Variants in SH2B3 observed in about 807,000 individuals in gnomAD.
The protein encoded by SH2B3 is SH2B adaptor protein 3.
SH2B3 carries 43 observed loss-of-function variants against 51.9 expected under a neutral mutation model. That is an observed-to-expected ratio of 0.83 (90% confidence interval 0.65 to 1.07). SH2B3 has a LOEUF of 1.07. Ranked by LOEUF, SH2B3 falls within the 50% of genes least tolerant of loss-of-function variation. The pLI is 0.00. For synonymous variants in SH2B3, 396 were observed against 376.0 expected (o/e 1.05, Z -0.62); for missense variants, 952 against 834.3 (o/e 1.14, Z -1.74).
At chr12:111,428,122 T>G (rs1872155746) in intron 2 of SH2B3, among the ~76,000 whole-genome samples, 1 of 152,252 alleles carries the variant, frequency 6.6e-6, no homozygotes, top group Admixed American at 6.5e-5. Context: ...GAAAAGCTCC[T>G]GTGGCCATTT....
Position 111,409,916 on chromosome 12 carries a change from A to C in SH2B3, c.-28+3639A>C, listed in dbSNP as rs1870556836. Among the ~76,000 whole-genome samples, 1 of 152,192 alleles carries C rather than the reference A, an allele frequency of 6.6e-6. No individual in the cohort carries two copies. The highest frequency in any genetic ancestry group is 6.5e-5 in the Admixed American group (1 of 15,278). ...CCCCCCACTCCCCGCCCCAGCCGGAAACCCGGCAGCTGAGCAGTTAGATAG... is the reference window on the plus strand; with the variant it reads ...CCCCCCACTCCCCGCCCCAGCCGGACACCCGGCAGCTGAGCAGTTAGATAG... On this transcript the variant is annotated intron_variant, in intron 1 of 7. Coordinates refer to ENST00000341259, the MANE Select transcript of SH2B3 (RefSeq NM_005475.3). The surrounding 1 kb of genome is among the most constrained non-coding windows in gnomAD (Gnocchi z 4.0).
Position 111,447,363 on chromosome 12 carries a change from G to C in SH2B3, c.1055G>C (p.Cys352Ser). The change falls in exon 6 of 8, where the codon TGC becomes TCC. Residue 352 changes from cysteine to serine, a missense_variant. By Grantham distance (112) the Cys-to-Ser change is moderately radical. Transcript: ENST00000341259. The stretch of plus-strand genomic sequence containing the variant: ...CCTGGGGGGCTGCTGGACCCGGCCT[G>C]CCAGAAGACGGACCATTTCCTGTCC... ...ASPGGLLDPA[C>S]QKTDHFLSCY... 1 of 1,614,020 alleles carries C rather than the reference G, an allele frequency of 6.2e-7. No homozygotes were observed. Among genetic ancestry groups the C allele is most frequent in the South Asian group, 1.1e-5 (1 of 91,070 alleles).
Position 111,438,371 on chromosome 12 carries a change from ACCTGAGCCTG to A in SH2B3, c.733-8378_733-8369del, listed in dbSNP as rs1456517488. 6.6e-6 allele frequency among the ~76,000 whole-genome samples: 1 copy of A among 151,944 alleles called. No individual in the cohort carries two copies. The highest frequency in any genetic ancestry group is 1.5e-5 in the Non-Finnish European group (1 of 67,948). ...TGCGGGGAGGTCAGGGGGCTGACAC[ACCTGAGCCTG>A]CCTTTCAGCCTGCCCTCTTCCCTGG... On this transcript the variant is annotated intron_variant, in intron 2 of 7. Transcript: ENST00000341259. This position sits in a 1 kb window ranked among gnomAD's most constrained non-coding sequence, Gnocchi z 4.2.
Position 111,418,568 on chromosome 12 carries a change from C to G in SH2B3, c.423C>G (p.Ser141Arg). ...GCTCCTTCCAGCACTTTCGCCGCAG[C>G]CTCCGCCACATCTTCCGCCGCCGCT... Reference protein sequence around the residue: ...GPCSFQHFRRSLRHIFRRRSA... With the variant: ...GPCSFQHFRRRLRHIFRRRSA... Residue 141 changes from serine (S) to arginine (R), a missense_variant, in exon 2 of 8, where the codon AGC becomes AGG. By Grantham distance (110) the Ser-to-Arg change is moderately radical (BLOSUM62 -1). Transcript: ENST00000341259. This position sits in a 1 kb window ranked among gnomAD's most constrained non-coding sequence, Gnocchi z 6.7. 1 of 1,477,658 alleles carries G rather than the reference C, an allele frequency of 6.8e-7. No homozygotes were observed. The highest frequency in any genetic ancestry group is 1.2e-5 in the South Asian group (1 of 80,092). 91.5% of individuals were successfully genotyped at this position (1,477,658 alleles called of 1,614,324 possible).
chr12:111,434,243 A>G (rs1302212628), intron 2 of SH2B3, among the ~76,000 whole-genome samples: 3 of 152,320 alleles, frequency 2.0e-5, no homozygotes, highest in African/African-American at 4.8e-5. Flanking sequence ...CAATTGTGCA[A>G]TGATCACCAC....
intron 1 of SH2B3, among the ~76,000 whole-genome samples, chr12:111,413,212 G>A (rs986719911): frequency 3.3e-5 from 5 of 152,174 alleles, no homozygotes; most frequent in Admixed American, 1.3e-4. Context: ...CCTTGGAAGA[G>A]GTAATATTTT....
chr12:111,443,041 C>T (rs1367509492), intron 2 of SH2B3, among the ~76,000 whole-genome samples: 1 of 152,250 alleles, frequency 6.6e-6, no homozygotes, highest in East Asian at 1.9e-4. Context: ...TGTGCCAAGA[C>T]AGGTCCCCTG....
intron 2 of SH2B3, among the ~76,000 whole-genome samples, chr12:111,431,031 G>A (rs1056210076): frequency 7.4e-5 from 11 of 147,834 alleles, no homozygotes; most frequent in East Asian, 2.1e-4. Flanking sequence ...GGTGGGTGGC[G>A]GGGGGGGCTT....
At chr12:111,441,793 C>T (rs150981729) in intron 2 of SH2B3, among the ~76,000 whole-genome samples, 58 of 152,298 alleles carry the variant, frequency 3.8e-4, no homozygotes, top group African/African-American at 1.2e-3. Context: ...TGTCCTCTCT[C>T]GGAGAATCCT....
chr12:111,441,441 T>C (rs1260995843), intron 2 of SH2B3, among the ~76,000 whole-genome samples: 3 of 151,842 alleles, frequency 2.0e-5, no homozygotes, highest in African/African-American at 7.3e-5. Flanking sequence ...GAGTTGGGAC[T>C]CAAGCACAGG....
At position 111,429,051 on chromosome 12, in the gene SH2B3, G is replaced by A. The variant is rs868307095; in HGVS notation, c.732+10174G>A. 1.1e-4 allele frequency among the ~76,000 whole-genome samples: 16 copies of A among 145,900 alleles called. No homozygotes were observed. Among genetic ancestry groups the A allele is most frequent in the African/African-American group, 3.8e-4 (15 of 39,668 alleles). ...AGGAGGAGGAGGAGGAGGAGGAAGA[G>A]GAGGAGGAGGAGGAGGAGGGACGGC... On this transcript the variant is annotated intron_variant, in intron 2 of 7. Coordinates refer to ENST00000341259, the MANE Select transcript of SH2B3 (RefSeq NM_005475.3). This position sits in a 1 kb window ranked among gnomAD's most constrained non-coding sequence, Gnocchi z 4.4.
chr12:111,428,772 C>T (rs1446178285), intron 2 of SH2B3, among the ~76,000 whole-genome samples: 1 of 152,104 alleles, frequency 6.6e-6, no homozygotes. Flanking sequence ...TGTGACCCTG[C>T]CTGGGCACAG....
chr12:111,448,186 A>T lies in SH2B3; in HGVS notation c.1612A>T (p.Ser538Cys). The change falls in exon 8 of 8, where the codon AGC becomes TGC. Residue 538 changes from serine (S) to cysteine (C), a missense_variant. Ser to Cys is a moderately radical substitution (Grantham distance 112). Coordinates refer to ENST00000341259, the MANE Select transcript of SH2B3 (RefSeq NM_005475.3). Reference sequence around the variant, plus strand: ...GCCTTCGCCCGAAGAACTGGCCAACAGCCTGCAGCACCTGGAGCATGAGCC... The same window carrying T: ...GCCTTCGCCCGAAGAACTGGCCAACTGCCTGCAGCACCTGGAGCATGAGCC... Reference protein sequence around the residue: ...LVPSPEELANSLQHLEHEPVN... With the variant: ...LVPSPEELANCLQHLEHEPVN... 6.2e-7 allele frequency: 1 copy of T among 1,614,122 alleles called. No individual in the cohort carries two copies. The highest frequency in any genetic ancestry group is 8.5e-7 in the Non-Finnish European group (1 of 1,179,982).
At position 111,438,197 on chromosome 12, in the gene SH2B3, G is replaced by A. The variant is rs1342940940; in HGVS notation, c.733-8556G>A. Among the ~76,000 whole-genome samples the A allele has an allele frequency of 6.6e-6, 1 of 152,130 alleles. No individual in the cohort carries two copies. Among genetic ancestry groups the A allele is most frequent in the Non-Finnish European group, 1.5e-5 (1 of 68,002 alleles). On this transcript the variant is annotated intron_variant, in intron 2 of 7. Transcript: ENST00000341259. This position sits in a 1 kb window ranked among gnomAD's most constrained non-coding sequence, Gnocchi z 4.2. The stretch of plus-strand genomic sequence containing the variant: ...GGAAGGTGTGGGCGGGAAGGCGGCT[G>A]GAGGGAGACCAGGTGTTGGGGGTGC...
At chr12:111,431,244 A>G (rs2135572504) in intron 2 of SH2B3, among the ~76,000 whole-genome samples, 1 of 151,184 alleles carries the variant, frequency 6.6e-6, no homozygotes, top group South Asian at 2.1e-4. Flanking sequence ...GCTGCCTGGG[A>G]CCCCCCACCC....
At chr12:111,446,021 G>C (rs1043951552) in intron 2 of SH2B3, among the ~76,000 whole-genome samples, 2 of 152,228 alleles carry the variant, frequency 1.3e-5, no homozygotes, top group Non-Finnish European at 2.9e-5. Context: ...AGGAACACCT[G>C]AATGGAGGGG....
chr12:111,425,761 G>T (rs889160856), intron 2 of SH2B3, among the ~76,000 whole-genome samples: 1 of 152,168 alleles, frequency 6.6e-6, no homozygotes, highest in African/African-American at 2.4e-5. Flanking sequence ...TCAGGCCCGC[G>T]ATGGGAGAGT....
intron 5 of SH2B3, 33 bp downstream of exon 5, chr12:111,447,252 T>C (rs768584623): frequency 6.3e-7 from 1 of 1,592,390 alleles, no homozygotes; most frequent in Non-Finnish European, 8.6e-7. Flanking sequence ...CATTGTCTTC[T>C]GGGTACGCTG....
rs1333625147 is a variant in SH2B3 at position 111,448,341 on chromosome 12, G to A, written c.*39G>A. The A allele has an allele frequency of 2.1e-6, 3 of 1,411,000 alleles. No homozygotes were observed. The South Asian group carries it at 3.7e-5, about 18-fold the overall frequency. The allele number at this position is 1,411,000 out of a possible 1,614,324, so 87.4% of individuals were successfully genotyped here. A position where few individuals can be genotyped will look rare whatever the true frequency, so the allele number is the denominator to read the frequency against. ...CCAGGCCTCAACAGCTGCCCTTGAG[G>A]AGCACAGGCAGAAGTGTGAACTTGT... is the stretch of plus-strand genomic sequence containing the variant. On this transcript the variant is annotated 3_prime_UTR_variant, in exon 8 of 8. Coordinates refer to ENST00000341259, the MANE Select transcript of SH2B3 (RefSeq NM_005475.3).
Sources: gnomAD v4.1 joint callset for allele counts (sites outside exome capture counted in the v4.1 genomes callset) on GRCh38, gnomAD v4.1.1 for gene constraint, Gnocchi (gnomAD v3.1) non-coding constraint, MANE v1.5 for transcripts, NCBI Gene and HGNC (gene_info 2026-07-23, HGNC 2026-07-21) for gene names.